The following PRKN variants were observed in gnomAD, a reference collection of about 807,000 sequenced individuals.
The protein encoded by PRKN is E3 ubiquitin-protein ligase parkin.
In PRKN, 56 loss-of-function variants were observed where a neutral mutation model predicts 59.5. That is an observed-to-expected ratio of 0.94 (90% CI 0.76 to 1.18). The LOEUF is 1.18. Ranked by LOEUF, PRKN falls within the 50% of genes most tolerant of loss-of-function variation. PRKN has a pLI of 0.00. For synonymous variants in PRKN, 250 were observed against 222.1 expected (o/e 1.13, Z -1.12); for missense variants, 657 against 596.4 (o/e 1.10, Z -1.06).
At chr6:161,594,155 T>C (rs1039334837) in intron 7 of PRKN, among the ~76,000 whole-genome samples, 2 of 152,048 alleles carry the variant, frequency 1.3e-5, no homozygotes, top group Non-Finnish European at 2.9e-5. Context: ...AGAGCAAGAC[T>C]CCGTCTCAAA....
intron 4 of PRKN, among the ~76,000 whole-genome samples, chr6:162,093,059 C>G (rs1252802277): frequency 6.6e-6 from 1 of 152,192 alleles, no homozygotes; most frequent in Admixed American, 6.5e-5. Flanking sequence ...TGCGTTCTAG[C>G]TAATTCTGTC....
intron 4 of PRKN, among the ~76,000 whole-genome samples, chr6:162,150,461 C>T (rs908722119): frequency 6.6e-6 from 1 of 152,180 alleles, no homozygotes; most frequent in Non-Finnish European, 1.5e-5. Flanking sequence ...CAGGGCTGCT[C>T]TAGAGCACAG....
In PRKN at chr6:161,550,668, C is replaced by T. The variant is rs62436770; in HGVS notation, c.934-1665G>A. 0.09 allele frequency among the ~76,000 whole-genome samples: 13,542 copies of T among 149,664 alleles called. 640 individuals carry two copies. The highest frequency in any genetic ancestry group is 0.11 in the Non-Finnish European group (7,164 of 67,498). On this transcript the variant is annotated intron_variant, in intron 8 of 11. Coordinates refer to ENST00000366898, the MANE Select transcript of PRKN (RefSeq NM_004562.3). This position sits in a 1 kb window ranked among gnomAD's most constrained non-coding sequence, Gnocchi z 4.0. The stretch of plus-strand genomic sequence containing the variant: ...GTGAGTGGAGTGTAGTTCCCCGTTT[C>T]CTGAGAAGACAGGAGGCGGGTAGGG...
chr6:161,483,681 T>G lies in PRKN; in HGVS notation c.1083+65173A>C, dbSNP rs1791520708. On this transcript the variant is annotated intron_variant, in intron 9 of 11. Transcript: ENST00000366898. The surrounding 1 kb of genome is among the most constrained non-coding windows in gnomAD (Gnocchi z 5.0). ...GTAGCTCAAATAGGCTATTACTCACTGTGACCTCTTCTACTTATTTCTTAA... is the reference window on the plus strand; with the variant it reads ...GTAGCTCAAATAGGCTATTACTCACGGTGACCTCTTCTACTTATTTCTTAA... Among the ~76,000 whole-genome samples, 2 of 152,200 alleles carry G rather than the reference T, an allele frequency of 1.3e-5. No individual in the cohort carries two copies.
intron 7 of PRKN, among the ~76,000 whole-genome samples, chr6:161,695,713 G>A (rs1050509040): frequency 6.6e-6 from 1 of 152,196 alleles, no homozygotes; most frequent in African/African-American, 2.4e-5. Context: ...CTGCTAGAGG[G>A]AAAGATGAGA....
rs111546299 is a variant in PRKN at position 161,548,853 on chromosome 6, C to A, written c.1083+1G>T. 1 of 1,613,686 alleles carries A rather than the reference C, an allele frequency of 6.2e-7. No homozygotes were observed. Among genetic ancestry groups the A allele is most frequent in the Non-Finnish European group, 8.5e-7 (1 of 1,179,574 alleles). ...GCTCCAGGGGTGTGGGCAGTACTCA[C>A]CCCACAGCCCAGGCCATTGCCCCCT... On this transcript the variant is annotated splice_donor_variant, in intron 9 of 11. Transcript: ENST00000366898. LOFTEE classifies it high-confidence loss of function. This position sits in a 1 kb window ranked among gnomAD's most constrained non-coding sequence, Gnocchi z 4.2.
chr6:162,356,645 A>G (rs1330518498), intron 2 of PRKN, among the ~76,000 whole-genome samples: 1 of 151,500 alleles, frequency 6.6e-6, no homozygotes, highest in Admixed American at 6.6e-5. Flanking sequence ...GAAGAAGAAG[A>G]CCCAGAAAAG....
intron 2 of PRKN, among the ~76,000 whole-genome samples, chr6:162,384,663 CAA>C (rs370455931): frequency 2.7e-4 from 34 of 125,760 alleles, no homozygotes; most frequent in African/African-American, 7.7e-4. Flanking sequence ...AAAAAAAAAA[CAA>C]AAAAAAAAAA....
intron 1 of PRKN, among the ~76,000 whole-genome samples, chr6:162,510,505 A>G (rs547535576): frequency 3.3e-5 from 5 of 152,122 alleles, no homozygotes; most frequent in Non-Finnish European, 7.4e-5. Context: ...GGAAGCAGGG[A>G]CTGCTCTCTG....
chr6:162,152,212 T>A (rs1562543994), intron 4 of PRKN, among the ~76,000 whole-genome samples: 1 of 152,204 alleles, frequency 6.6e-6, no homozygotes, highest in Non-Finnish European at 1.5e-5. Context: ...GGGGAGCTTT[T>A]CATTGATTAA....
chr6:162,693,670 C>T (rs1777863011), intron 1 of PRKN, among the ~76,000 whole-genome samples: 2 of 152,094 alleles, frequency 1.3e-5, no homozygotes. Flanking sequence ...GTTATGGGCA[C>T]AAAGATCCTT....
chr6:161,890,646 C>T lies in PRKN; in HGVS notation c.734+82656G>A, dbSNP rs550821159. 3.9e-5 allele frequency among the ~76,000 whole-genome samples: 6 copies of T among 152,206 alleles called. No individual in the cohort carries two copies. In the South Asian group the frequency reaches 1.2e-3, roughly 32 times the overall value. Reference sequence around the variant, plus strand: ...TGGGAAGACAGATGTCTGTCTGTGCCGTGAACATAACACTCTGTCAGGGAT... The same window carrying T: ...TGGGAAGACAGATGTCTGTCTGTGCTGTGAACATAACACTCTGTCAGGGAT... On this transcript the variant is annotated intron_variant, in intron 6 of 11. Transcript: ENST00000366898.
intron 7 of PRKN, among the ~76,000 whole-genome samples, chr6:161,596,277 A>G (rs1781910474): frequency 6.6e-6 from 1 of 152,168 alleles, no homozygotes; most frequent in Non-Finnish European, 1.5e-5. Context: ...ACAAGAGGAG[A>G]GAAACACATT....
chr6:162,672,638 C>A (rs1779373270), intron 1 of PRKN, among the ~76,000 whole-genome samples: 1 of 151,336 alleles, frequency 6.6e-6, no homozygotes, highest in African/African-American at 2.4e-5. Context: ...AACCAAAATT[C>A]TTTTCTCTTT....
intron 7 of PRKN, among the ~76,000 whole-genome samples, chr6:161,602,507 A>C (rs11970014): frequency 0.028 from 4,240 of 152,258 alleles, 152 homozygotes; most frequent in African/African-American, 0.085. Context: ...TAGTCATGCT[A>C]TATTTCCTTA....
intron 1 of PRKN, among the ~76,000 whole-genome samples, chr6:162,715,967 A>T (rs930238222): frequency 1.3e-5 from 2 of 152,114 alleles, no homozygotes; most frequent in Admixed American, 1.3e-4. Flanking sequence ...TTTATCACAC[A>T]ATGAAGCGTA....
At chr6:161,421,433 C>T (rs552416752) in intron 9 of PRKN, among the ~76,000 whole-genome samples, 1 of 152,262 alleles carries the variant, frequency 6.6e-6, no homozygotes, top group South Asian at 2.1e-4. Context: ...TGGGTCAGAA[C>T]CAATGTCCTG....
intron 2 of PRKN, among the ~76,000 whole-genome samples, chr6:162,367,530 C>T (rs1785513097): frequency 6.6e-6 from 1 of 152,076 alleles, no homozygotes; most frequent in African/African-American, 2.4e-5. Context: ...AATGAAAACC[C>T]ATGCTCATAA....
chr6:161,747,719 G>A (rs1366446927), intron 7 of PRKN, among the ~76,000 whole-genome samples: 1 of 152,208 alleles, frequency 6.6e-6, no homozygotes, highest in East Asian at 1.9e-4. Context: ...TAATTAGACG[G>A]TTGTAATATA....
Sources: gnomAD v4.1 joint callset for allele counts (sites outside exome capture counted in the v4.1 genomes callset) on GRCh38, gnomAD v4.1.1 for gene constraint, Gnocchi (gnomAD v3.1) non-coding constraint, MANE v1.5 for transcripts, NCBI Gene and HGNC (gene_info 2026-07-23, HGNC 2026-07-21) for gene names.